DLGAP1: variants seen among roughly 807,000 people sequenced by gnomAD.
DLGAP1 encodes DLG associated protein 1.
In DLGAP1, 11 loss-of-function variants were observed where a neutral mutation model predicts 90.8. The observed-to-expected ratio is 0.12, with a 90% CI of 0.08 to 0.20. The LOEUF (loss-of-function observed/expected upper bound fraction) is 0.20. Ranked by LOEUF, DLGAP1 falls within the 10% of genes least tolerant of loss-of-function variation. DLGAP1 has a pLI of 1.00. For missense variants in DLGAP1, 1,050 were observed against 1,333.8 expected (o/e 0.79, Z 3.31); for synonymous variants, 558 against 540.7 (o/e 1.03, Z -0.44).
intron 1 of DLGAP1, among the ~76,000 whole-genome samples, chr18:4,245,478 T>C (rs182037425): frequency 7.4e-4 from 113 of 152,360 alleles, no homozygotes; most frequent in Admixed American, 1.6e-3. Flanking sequence ...AGCAGCTCTA[T>C]TGCTCTGTTT....
At position 3,968,636 on chromosome 18, in the gene DLGAP1, A is replaced by T. The variant is rs113243765; in HGVS notation, c.-73+36480T>A. Among the ~76,000 whole-genome samples, 362 of 152,342 alleles carry T rather than the reference A, an allele frequency of 2.4e-3. 1 individual carries two copies. The highest frequency in any genetic ancestry group is 8.2e-3 in the African/African-American group (339 of 41,594). On this transcript the variant is annotated intron_variant, in intron 3 of 12. Coordinates refer to ENST00000315677, the MANE Select transcript of DLGAP1 (RefSeq NM_004746.4). ...TTTGATGAAGTTTTAGAGAGAACAC[A>T]GTAATATTTGGAGGCTGATTTCAAA... is the stretch of plus-strand genomic sequence containing the variant.
intron 1 of DLGAP1, among the ~76,000 whole-genome samples, chr18:4,374,030 T>C (rs1249779150): frequency 2.0e-5 from 3 of 152,216 alleles, no homozygotes; most frequent in African/African-American, 7.2e-5. Flanking sequence ...TATTTCACTC[T>C]ATAGATGTAA....
chr18:3,811,620 TCTGAAGGAG>T (rs1405526675), intron 5 of DLGAP1, among the ~76,000 whole-genome samples: 3 of 152,212 alleles, frequency 2.0e-5, no homozygotes, highest in African/African-American at 7.2e-5. Flanking sequence ...AACTTCACCG[TCTGAAGGAG>T]CTGACCCTCT....
At chr18:4,172,033 G>T (rs1598538375) in intron 1 of DLGAP1, among the ~76,000 whole-genome samples, 1 of 152,158 alleles carries the variant, frequency 6.6e-6, no homozygotes, top group African/African-American at 2.4e-5. Context: ...TTATGATAAT[G>T]AGTTTTTTCC....
intron 11 of DLGAP1, among the ~76,000 whole-genome samples, chr18:3,508,057 T>C (rs2050343604): frequency 6.6e-6 from 1 of 152,226 alleles, no homozygotes; most frequent in African/African-American, 2.4e-5. Context: ...TGTTTTTGCA[T>C]GTCCAAGAAG....
chr18:4,216,275 C>A (rs571226458), intron 1 of DLGAP1, among the ~76,000 whole-genome samples: 1 of 130,318 alleles, frequency 7.7e-6, no homozygotes, highest in Admixed American at 8.4e-5. Context: ...AGTGTAACCG[C>A]TCTCGTGATT....
Position 3,498,834 on chromosome 18 carries a change from A to G in DLGAP1, c.*351T>C, listed in dbSNP as rs1375294814. ...CCTATGGTTTTATATTGCTGAACAG[A>G]CTAGCTCGAGAGAACTGAGGACGGC... On this transcript the variant is annotated 3_prime_UTR_variant, in exon 13 of 13. Coordinates refer to ENST00000315677, the MANE Select transcript of DLGAP1 (RefSeq NM_004746.4). 5 of 293,444 alleles carry G rather than the reference A, an allele frequency of 1.7e-5. No homozygotes were observed. Among genetic ancestry groups the G allele is most frequent in the Middle Eastern group, 9.7e-4 (1 of 1,026 alleles). 18.2% of individuals were successfully genotyped at this position (293,444 alleles called of 1,614,324 possible).
At chr18:4,387,742 C>A (rs967668979) in intron 1 of DLGAP1, among the ~76,000 whole-genome samples, 2 of 152,070 alleles carry the variant, frequency 1.3e-5, no homozygotes, top group Non-Finnish European at 1.5e-5. Context: ...ACTAGCCTGG[C>A]CAGCATGGCG....
chr18:4,110,043 C>T (rs1388587284), intron 2 of DLGAP1, among the ~76,000 whole-genome samples: 1 of 151,498 alleles, frequency 6.6e-6, no homozygotes, highest in Non-Finnish European at 1.5e-5. Context: ...GATACACAGT[C>T]ATGCATTGCT....
chr18:4,149,373 C>T (rs2076635901), intron 2 of DLGAP1, among the ~76,000 whole-genome samples: 1 of 152,028 alleles, frequency 6.6e-6, no homozygotes, highest in South Asian at 2.1e-4. Context: ...CTTTAAAACA[C>T]AAAACTTTTT....
At chr18:4,322,501 G>A (rs906453262) in intron 1 of DLGAP1, among the ~76,000 whole-genome samples, 2 of 152,038 alleles carry the variant, frequency 1.3e-5, no homozygotes, top group Non-Finnish European at 2.9e-5. Flanking sequence ...AAACTAAAAT[G>A]GATTAAATAC....
chr18:4,022,152 A>C (rs1438324574), intron 2 of DLGAP1, among the ~76,000 whole-genome samples: 1 of 152,066 alleles, frequency 6.6e-6, no homozygotes, highest in Admixed American at 6.6e-5. Context: ...TTTTTCCTCA[A>C]CTTTTAAATG....
chr18:3,953,423 G>C (rs1353020429), intron 3 of DLGAP1, among the ~76,000 whole-genome samples: 2 of 152,180 alleles, frequency 1.3e-5, no homozygotes, highest in Non-Finnish European at 2.9e-5. Context: ...TTGTAAGTGA[G>C]AACAAGTGGT....
chr18:4,127,192 A>G (rs1338716646), intron 2 of DLGAP1, among the ~76,000 whole-genome samples: 2 of 152,208 alleles, frequency 1.3e-5, no homozygotes, highest in Non-Finnish European at 2.9e-5. Context: ...GCATGATTTG[A>G]GATTATTCAA....
chr18:3,823,279 G>A (rs1315590094), intron 4 of DLGAP1, among the ~76,000 whole-genome samples: 1 of 152,168 alleles, frequency 6.6e-6, no homozygotes, highest in African/African-American at 2.4e-5. Context: ...AGCATCTCTG[G>A]ACCTGTGCAT....
chr18:4,150,561 G>A (rs1321315366), intron 2 of DLGAP1, among the ~76,000 whole-genome samples: 1 of 152,024 alleles, frequency 6.6e-6, no homozygotes, highest in Non-Finnish European at 1.5e-5. Context: ...AGTCTCCCCA[G>A]TAGCTGGGAT....
At chr18:3,970,523 T>C (rs1268997053) in intron 3 of DLGAP1, among the ~76,000 whole-genome samples, 4 of 152,062 alleles carry the variant, frequency 2.6e-5, no homozygotes, top group Admixed American at 6.6e-5. Context: ...TTACAGCAAA[T>C]ATATAATAGA....
intron 2 of DLGAP1, among the ~76,000 whole-genome samples, chr18:4,015,578 T>C (rs1418689815): frequency 6.6e-6 from 1 of 152,128 alleles, no homozygotes; most frequent in Non-Finnish European, 1.5e-5. Flanking sequence ...TTTAAAAAAG[T>C]TTCCCATGAC....
intron 1 of DLGAP1, among the ~76,000 whole-genome samples, chr18:4,230,657 G>C (rs1390041939): frequency 6.7e-6 from 1 of 149,814 alleles, no homozygotes; most frequent in Non-Finnish European, 1.5e-5. Context: ...GGAGGAAATG[G>C]GGATGGTTAA....
Sources: allele counts gnomAD v4.1 joint callset (sites outside exome capture counted in the v4.1 genomes callset), GRCh38; gene constraint gnomAD v4.1.1; transcripts MANE v1.5; gene names NCBI Gene and HGNC (gene_info 2026-07-23, HGNC 2026-07-21).